Variants in VPS13B observed in about 807,000 individuals in gnomAD.
The protein encoded by VPS13B is intermembrane lipid transfer protein VPS13B.
VPS13B carries 285 observed loss-of-function variants against 426.4 expected under a neutral mutation model. The observed-to-expected ratio is 0.67, with a 90% CI of 0.61 to 0.74. The LOEUF (loss-of-function observed/expected upper bound fraction) is 0.74. Ranked by LOEUF, VPS13B falls within the 30% of genes least tolerant of loss-of-function variation. The pLI, the probability that VPS13B is intolerant of heterozygous loss-of-function variation, is 0.00. For synonymous variants in VPS13B, 1,676 were observed against 1,676.4 expected (o/e 1.00, Z 0.01); for missense variants, 4,537 against 4,782.6 (o/e 0.95, Z 1.51).
intron 19 of VPS13B, among the ~76,000 whole-genome samples, chr8:99,334,518 G>A (rs1053120160): frequency 1.3e-5 from 2 of 152,148 alleles, no homozygotes; most frequent in African/African-American, 4.8e-5. Flanking sequence ...ATTATTTTGA[G>A]ATACGTCCCA....
chr8:99,477,320 G>T (rs1388334929), intron 24 of VPS13B, among the ~76,000 whole-genome samples: 1 of 151,986 alleles, frequency 6.6e-6, no homozygotes, highest in African/African-American at 2.4e-5. Flanking sequence ...TTTCTTTCTT[G>T]TGCTTTCTCA....
intron 30 of VPS13B, among the ~76,000 whole-genome samples, chr8:99,525,249 G>C (rs1055591409): frequency 6.6e-6 from 1 of 151,878 alleles, no homozygotes; most frequent in African/African-American, 2.4e-5. Context: ...GATATAAATA[G>C]AAACAACAAA....
intron 2 of VPS13B, among the ~76,000 whole-genome samples, chr8:99,024,256 G>T (rs1266679221): frequency 6.6e-6 from 1 of 152,216 alleles, no homozygotes; most frequent in Non-Finnish European, 1.5e-5. Context: ...GAGTCTCTTT[G>T]TGCGTGTGTG....
rs146250282 is a variant in VPS13B at position 99,056,801 on chromosome 8, A to G, written c.291+18235A>G. Among the ~76,000 whole-genome samples the G allele has an allele frequency of 1.3e-3, 193 of 152,324 alleles. 1 individual carries two copies. Among genetic ancestry groups the G allele is most frequent in the Non-Finnish European group, 2.4e-3 (164 of 68,032 alleles). On this transcript the variant is annotated intron_variant, in intron 3 of 61. Coordinates refer to ENST00000357162, the MANE Select transcript of VPS13B (RefSeq NM_152564.5). ...TTGTGCTGGTTGGCCTTAAACATGT[A>G]GATGAATTTCACAGGAATATTTTTA...
At chr8:99,225,966 A>G (rs1421894353) in intron 17 of VPS13B, among the ~76,000 whole-genome samples, 1 of 151,896 alleles carries the variant, frequency 6.6e-6, no homozygotes, top group Non-Finnish European at 1.5e-5. Context: ...TTTTTTTGAG[A>G]CAGAGTCTCG....
Position 99,144,656 on chromosome 8 carries a change from C to T in VPS13B, c.1843+1491C>T, listed in dbSNP as rs545055881. On this transcript the variant is annotated intron_variant, in intron 13 of 61. Transcript: ENST00000357162. The stretch of plus-strand genomic sequence containing the variant: ...ACATAAAAGCACTTAACCCAGTGTA[C>T]AGTAAGTGCTTGACACATTCATGCA... Among the ~76,000 whole-genome samples, 226 of 152,292 alleles carry T rather than the reference C, an allele frequency of 1.5e-3. 8 individuals carry two copies. Among genetic ancestry groups the T allele is most frequent in the Admixed American group, 0.014 (218 of 15,290 alleles).
At position 99,511,177 on chromosome 8, in the gene VPS13B, C is replaced by CAAA. The variant is rs1297058561; in HGVS notation, c.4302_4304dup (p.Lys1434dup). ...TCTCTGACATACACAAAAGCTGTAA[C>CAAA]AAAAAATGTCCGCCACAAGTTAACA... is the stretch of plus-strand genomic sequence containing the variant. On this transcript the variant is annotated inframe_insertion, in exon 29 of 62. Coordinates refer to ENST00000357162, the MANE Select transcript of VPS13B (RefSeq NM_152564.5). The CAAA allele has an allele frequency of 5.0e-6, 8 of 1,613,776 alleles. No homozygotes were observed. The highest frequency in any genetic ancestry group is 6.8e-6 in the Non-Finnish European group (8 of 1,179,992).
rs557684386 is a variant in VPS13B, at chr8:99,504,164, G to C, written c.4157+1214G>C. ...CATGCAAGAGCTGGTTATTTAAAAA[G>C]AGCATAGCATCTCCCTGCTCTCTCT... On this transcript the variant is annotated intron_variant, in intron 27 of 61. Transcript: ENST00000357162. Among the ~76,000 whole-genome samples, 7 of 152,224 alleles carry C rather than the reference G, an allele frequency of 4.6e-5. No individual in the cohort carries two copies. In the South Asian group the frequency reaches 1.5e-3, roughly 32 times the overall value.
At chr8:99,268,101 A>G (rs1312562177) in intron 17 of VPS13B, among the ~76,000 whole-genome samples, 5 of 152,192 alleles carry the variant, frequency 3.3e-5, no homozygotes, top group Non-Finnish European at 7.4e-5. Flanking sequence ...TACACAGAAG[A>G]CAAAAATTGA....
chr8:99,757,202 A>G (rs1001110234), intron 39 of VPS13B, among the ~76,000 whole-genome samples: 4 of 152,304 alleles, frequency 2.6e-5, no homozygotes, highest in African/African-American at 9.6e-5. Context: ...AAAGTGATGA[A>G]GAGAGTATCC....
At chr8:99,376,385 A>G (rs1813488625) in intron 19 of VPS13B, among the ~76,000 whole-genome samples, 1 of 152,228 alleles carries the variant, frequency 6.6e-6, no homozygotes, top group South Asian at 2.1e-4. Context: ...AACCAAATTG[A>G]TGTTAAATCA....
chr8:99,346,030 G>A, intron 19 of VPS13B: 1 of 154,046 alleles, frequency 6.5e-6, no homozygotes, highest in Non-Finnish European at 1.4e-5. Context: ...AGGTGGGCAG[G>A]CAGAGCAGTG....
chr8:99,079,939 A>C (rs1034173405), intron 3 of VPS13B, among the ~76,000 whole-genome samples: 1 of 151,488 alleles, frequency 6.6e-6, no homozygotes, highest in East Asian at 1.9e-4. Context: ...AAAAAAAAAA[A>C]GTAGTTTTCA....
At chr8:99,784,058 T>A (rs781357427) in intron 42 of VPS13B, among the ~76,000 whole-genome samples, 5 of 152,220 alleles carry the variant, frequency 3.3e-5, no homozygotes, top group Non-Finnish European at 5.9e-5. Context: ...ATCTCATTGT[T>A]CTTTTACTCT....
chr8:99,504,658 T>C (rs995440771), intron 27 of VPS13B, among the ~76,000 whole-genome samples: 6 of 152,184 alleles, frequency 3.9e-5, no homozygotes, highest in Non-Finnish European at 8.8e-5. Context: ...ACAGATGTGC[T>C]ATCATCCAAG....
At position 99,823,946 on chromosome 8, in the gene VPS13B, C is replaced by T. The variant is rs780381150; in HGVS notation, c.9298C>T (p.Leu3100=). 13 of 1,613,026 alleles carry T rather than the reference C, an allele frequency of 8.1e-6. No individual in the cohort carries two copies. In the East Asian group the frequency reaches 2.2e-4, roughly 28 times the overall value. The change falls in exon 51 of 62, where the codon CTA becomes TTA. Residue 3100 remains leucine, a synonymous_variant. Coordinates refer to ENST00000357162, the MANE Select transcript of VPS13B (RefSeq NM_152564.5). ...ATATCAAATATTTTATAAACCACAG[C>T]TATCTGTCTGCAATCCCCATTCTGG... is the stretch of plus-strand genomic sequence containing the variant. The part of the protein sequence containing the change: ...TPYQIFYKPQ[L]SVCNPHSGKE...
At chr8:99,372,997 A>G (rs1281684792) in intron 19 of VPS13B, among the ~76,000 whole-genome samples, 1 of 152,216 alleles carries the variant, frequency 6.6e-6, no homozygotes, top group Non-Finnish European at 1.5e-5. Flanking sequence ...AAAAAGAATG[A>G]GTTCATGTCC....
At chr8:99,782,101 T>C (rs1812051590) in intron 42 of VPS13B, among the ~76,000 whole-genome samples, 2 of 152,132 alleles carry the variant, frequency 1.3e-5, no homozygotes, top group Non-Finnish European at 2.9e-5. Flanking sequence ...TTCACCAAAA[T>C]GTTAATAGTA....
At chr8:99,326,774 A>G (rs1053066589) in intron 19 of VPS13B, among the ~76,000 whole-genome samples, 2 of 152,084 alleles carry the variant, frequency 1.3e-5, no homozygotes, top group African/African-American at 4.8e-5. Context: ...TTATTTTATC[A>G]ATTTTGAGAT....
Sources: gnomAD v4.1 joint callset for allele counts (sites outside exome capture counted in the v4.1 genomes callset) on GRCh38, gnomAD v4.1.1 for gene constraint, MANE v1.5 for transcripts, NCBI Gene and HGNC (gene_info 2026-07-23, HGNC 2026-07-21) for gene names.